TOX: variants seen among roughly 807,000 people sequenced by gnomAD.
The protein encoded by TOX is thymocyte selection-associated high mobility group box protein TOX.
In TOX, 11 loss-of-function variants were observed where a neutral mutation model predicts 53.7. The ratio of observed to expected loss-of-function variants is 0.20; its 90% CI spans 0.13 to 0.34. The LOEUF is 0.34. TOX is among the 10% of genes least tolerant of loss of function. TOX has a pLI of 1.00. For synonymous variants in TOX, 225 were observed against 245.3 expected, an observed-to-expected ratio of 0.92 and a Z score of 0.77; for missense variants, 570 against 664.6, an observed-to-expected ratio of 0.86 and a Z score of 1.56.
At chr8:59,062,311 G>A (rs1045918595) in intron 1 of TOX, among the ~76,000 whole-genome samples, 1 of 152,214 alleles carries the variant, frequency 6.6e-6, no homozygotes. Context: ...CTGGAAGAAT[G>A]AAGACAATCC....
At chr8:58,983,782 T>C (rs769500515) in intron 1 of TOX, among the ~76,000 whole-genome samples, 44 of 152,336 alleles carry the variant, frequency 2.9e-4, no homozygotes, top group Admixed American at 3.3e-4. Flanking sequence ...TAAAAAGTGT[T>C]GGATAAGCCC....
At chr8:59,049,268 T>C (rs1268977255) in intron 1 of TOX, among the ~76,000 whole-genome samples, 3 of 152,192 alleles carry the variant, frequency 2.0e-5, no homozygotes, top group African/African-American at 7.2e-5. Flanking sequence ...CAGACTTCAC[T>C]TGGCAACTAT....
chr8:58,868,199 C>T (rs571373511), intron 3 of TOX, among the ~76,000 whole-genome samples: 9 of 152,288 alleles, frequency 5.9e-5, no homozygotes, highest in African/African-American at 2.2e-4. Context: ...TCCTCCTTCA[C>T]TTTCCACCAT....
intron 3 of TOX, among the ~76,000 whole-genome samples, chr8:58,934,488 G>A (rs1177626667): frequency 6.6e-6 from 1 of 152,108 alleles, no homozygotes; most frequent in Non-Finnish European, 1.5e-5. Context: ...AACATGATGA[G>A]ATTAAACAAG....
At chr8:58,855,549 C>T (rs1424417478) in intron 3 of TOX, among the ~76,000 whole-genome samples, 3 of 152,254 alleles carry the variant, frequency 2.0e-5, no homozygotes, top group South Asian at 4.2e-4. Flanking sequence ...CCCTTCCACC[C>T]GTTTCCACAC....
At chr8:59,039,785 A>T (rs936221956) in intron 1 of TOX, among the ~76,000 whole-genome samples, 4 of 152,204 alleles carry the variant, frequency 2.6e-5, no homozygotes, top group Admixed American at 1.3e-4. Flanking sequence ...ATCCAGCAAA[A>T]ATAGAAAAGC....
chr8:59,058,117 A>G (rs774266721), intron 1 of TOX, among the ~76,000 whole-genome samples: 2 of 152,274 alleles, frequency 1.3e-5, no homozygotes, highest in African/African-American at 2.4e-5. Flanking sequence ...GAAAAAAATG[A>G]TTAAGCAACT....
At chr8:58,875,902 A>G (rs1811275128) in intron 3 of TOX, among the ~76,000 whole-genome samples, 1 of 152,200 alleles carries the variant, frequency 6.6e-6, no homozygotes, top group Non-Finnish European at 1.5e-5. Flanking sequence ...TGTGTATTGC[A>G]TGAATTATGA....
chr8:58,807,663 G>C lies in TOX; in HGVS notation c.*84C>G, dbSNP rs1810002662. On this transcript the variant is annotated 3_prime_UTR_variant, in exon 9 of 9. Transcript: ENST00000361421. Reference sequence around the variant, plus strand: ...GCAACTTGTATTTTCTAATAAAATGGAGAACTGCCTTGACTGTACAAAGCA... The same window carrying C: ...GCAACTTGTATTTTCTAATAAAATGCAGAACTGCCTTGACTGTACAAAGCA... 4.0e-6 allele frequency: 6 copies of C among 1,511,038 alleles called. No homozygotes were observed. The highest frequency in any genetic ancestry group is 5.5e-6 in the Non-Finnish European group (6 of 1,092,974). 93.6% of individuals were successfully genotyped at this position (1,511,038 alleles called of 1,614,324 possible). A position where few individuals can be genotyped will look rare whatever the true frequency, so the allele number is the denominator to read the frequency against.
At chr8:58,951,048 AAC>A (rs1171350159) in intron 2 of TOX, among the ~76,000 whole-genome samples, 1 of 152,236 alleles carries the variant, frequency 6.6e-6, no homozygotes, top group African/African-American at 2.4e-5. Context: ...TCACACACGT[AAC>A]ACATTGCCGT....
chr8:59,041,447 A>G (rs34975569), intron 1 of TOX, among the ~76,000 whole-genome samples: 7,870 of 152,158 alleles, frequency 0.052, 297 homozygotes, highest in East Asian at 0.2. Context: ...CTCAACCTCT[A>G]TGTCTTTGCA....
chr8:58,874,783 C>A (rs1811256940), intron 3 of TOX, among the ~76,000 whole-genome samples: 1 of 152,274 alleles, frequency 6.6e-6, no homozygotes, highest in South Asian at 2.1e-4. Flanking sequence ...TCTTATCCAC[C>A]ATGAAGGCTA....
chr8:58,962,094 T>C (rs1365698809), intron 1 of TOX, among the ~76,000 whole-genome samples: 1 of 152,196 alleles, frequency 6.6e-6, no homozygotes, highest in Non-Finnish European at 1.5e-5. Flanking sequence ...TTCTATTTCA[T>C]CTTCTCTAAC....
At chr8:58,824,379 G>C (rs949909686) in intron 6 of TOX, among the ~76,000 whole-genome samples, 17 of 152,204 alleles carry the variant, frequency 1.1e-4, no homozygotes, top group Non-Finnish European at 1.9e-4. Context: ...AATGAACCCA[G>C]TGCCTTTCAA....
chr8:59,033,674 G>C (rs1814399656), intron 1 of TOX, among the ~76,000 whole-genome samples: 1 of 152,160 alleles, frequency 6.6e-6, no homozygotes, highest in African/African-American at 2.4e-5. Flanking sequence ...CTATCACCAA[G>C]AAAAGTGGTC....
At chr8:58,816,021 G>A (rs1810170529) in intron 6 of TOX, among the ~76,000 whole-genome samples, 2 of 152,214 alleles carry the variant, frequency 1.3e-5, no homozygotes, top group Non-Finnish European at 2.9e-5. Context: ...ATGGGTTTGT[G>A]GAGGGTGGGG....
chr8:59,040,193 G>GT (rs1803550030), intron 1 of TOX, among the ~76,000 whole-genome samples: 1 of 151,188 alleles, frequency 6.6e-6, no homozygotes, highest in African/African-American at 2.4e-5. Flanking sequence ...GCCGGGCGTA[G>GT]TGGCGGGCGC....
chr8:58,980,337 GC>G (rs1813179449), intron 1 of TOX, among the ~76,000 whole-genome samples: 1 of 152,120 alleles, frequency 6.6e-6, no homozygotes. Context: ...CCTGGGAGCT[GC>G]CGCTTGGCCT....
chr8:59,084,383 A>G (rs1804471950), intron 1 of TOX, among the ~76,000 whole-genome samples: 1 of 152,166 alleles, frequency 6.6e-6, no homozygotes, highest in Admixed American at 6.5e-5. Flanking sequence ...AAATAGCCAC[A>G]AAAGTCTATA....
Sources: allele counts gnomAD v4.1 joint callset (sites outside exome capture counted in the v4.1 genomes callset), GRCh38; gene constraint gnomAD v4.1.1; transcripts MANE v1.5; gene names NCBI Gene and HGNC (gene_info 2026-07-23, HGNC 2026-07-21).